Variants in ROBO1 observed in about 807,000 individuals in gnomAD.
ROBO1 encodes the protein roundabout guidance receptor 1, also known as roundabout homolog 1.
A neutral mutation model predicts 195.9 loss-of-function variants in ROBO1; 149 were observed. The observed-to-expected ratio is 0.76, with a 90% confidence interval of 0.67 to 0.87. The LOEUF is 0.87. Ranked by LOEUF, ROBO1 falls within the 40% of genes least tolerant of loss-of-function variation. The probability of loss-of-function intolerance (pLI) is 0.00; values close to 1 mark genes in which losing one functional copy is unlikely to be tolerated. For missense variants in ROBO1, 1,933 were observed against 2,068.3 expected (o/e 0.93, Z 1.27); for synonymous variants, 816 against 733.2 (o/e 1.11, Z -1.82).
At chr3:79,289,833 T>C (rs937892777) in intron 2 of ROBO1, among the ~76,000 whole-genome samples, 10 of 152,150 alleles carry the variant, frequency 6.6e-5, no homozygotes, top group African/African-American at 2.4e-4. Context: ...CCAAAGGGCA[T>C]TGTAATAAAC....
rs781419651 is a variant in ROBO1 at position 78,989,371 on chromosome 3, C to T, written c.173-50444G>A. Among the ~76,000 whole-genome samples the T allele has an allele frequency of 6.6e-5, 10 of 152,230 alleles. No homozygotes were observed. The East Asian group carries it at 7.7e-4, about 12-fold the overall frequency. Reference sequence around the variant, plus strand: ...GCTCATGCCTATAATCCTAGCACTTCGGGAGGCCAAAGCGGGTGGAACACT... The same window carrying T: ...GCTCATGCCTATAATCCTAGCACTTTGGGAGGCCAAAGCGGGTGGAACACT... On this transcript the variant is annotated intron_variant, in intron 3 of 30. Coordinates refer to ENST00000464233, the MANE Select transcript of ROBO1 (RefSeq NM_002941.4).
intron 2 of ROBO1, among the ~76,000 whole-genome samples, chr3:79,258,731 G>A (rs2082883350): frequency 6.6e-6 from 1 of 152,062 alleles, no homozygotes. Context: ...TTTCCACTGG[G>A]AGACACAAAC....
intron 8 of ROBO1, among the ~76,000 whole-genome samples, chr3:78,703,892 C>A: frequency 6.6e-6 from 1 of 152,032 alleles, no homozygotes. Flanking sequence ...CTTTAGTGGG[C>A]ATCTGTGGAT....
At chr3:79,424,646 CA>C (rs1285890279) in intron 2 of ROBO1, among the ~76,000 whole-genome samples, 1 of 151,956 alleles carries the variant, frequency 6.6e-6, no homozygotes, top group African/African-American at 2.4e-5. Context: ...TGAAGATGGA[CA>C]AAACATCCCA....
At chr3:79,667,427 A>T (rs1186934188) in intron 1 of ROBO1, among the ~76,000 whole-genome samples, 1 of 151,832 alleles carries the variant, frequency 6.6e-6, no homozygotes, top group African/African-American at 2.4e-5. Flanking sequence ...ACTAAATAAC[A>T]TTCTTCGGGT....
intron 2 of ROBO1, among the ~76,000 whole-genome samples, chr3:79,324,421 A>C (rs766686252): frequency 6.6e-6 from 1 of 152,188 alleles, no homozygotes; most frequent in Non-Finnish European, 1.5e-5. Context: ...AAATGACTGC[A>C]GCAAGTGATT....
chr3:79,467,593 G>C (rs1938034635), intron 2 of ROBO1, among the ~76,000 whole-genome samples: 1 of 151,946 alleles, frequency 6.6e-6, no homozygotes. Context: ...TCCAGAGAAA[G>C]ATCATCTTCC....
chr3:78,819,478 T>A (rs1372995385), intron 4 of ROBO1, among the ~76,000 whole-genome samples: 4 of 152,082 alleles, frequency 2.6e-5, no homozygotes, highest in Non-Finnish European at 4.4e-5. Flanking sequence ...TTTTTTTCTT[T>A]TCTCCATACA....
chr3:79,011,733 T>A (rs1258100023), intron 3 of ROBO1, among the ~76,000 whole-genome samples: 1 of 151,136 alleles, frequency 6.6e-6, no homozygotes, highest in Non-Finnish European at 1.5e-5. Flanking sequence ...GTTGCATAAA[T>A]TATGACCATA....
chr3:78,818,076 A>G (rs2030341093), intron 4 of ROBO1, among the ~76,000 whole-genome samples: 1 of 152,190 alleles, frequency 6.6e-6, no homozygotes, highest in Non-Finnish European at 1.5e-5. Flanking sequence ...TGACTGAGTA[A>G]AAGATGGAAT....
At chr3:78,763,014 A>G (rs1281954392) in intron 4 of ROBO1, among the ~76,000 whole-genome samples, 1 of 152,152 alleles carries the variant, frequency 6.6e-6, no homozygotes, top group African/African-American at 2.4e-5. Context: ...ATGTGACACA[A>G]GAGACAAGCA....
chr3:78,651,785 C>T lies in ROBO1; in HGVS notation c.2759G>A (p.Arg920Gln), dbSNP rs773504767. The T allele has an allele frequency of 5.0e-5, 80 of 1,613,376 alleles. No homozygotes were observed. Among genetic ancestry groups the T allele is most frequent in the Middle Eastern group, 1.6e-4 (1 of 6,080 alleles). The change falls in exon 19 of 31, where the codon CGA (arginine) becomes CAA (glutamine). Residue 920 changes from arginine (R) to glutamine (Q), a missense_variant. Coordinates refer to ENST00000464233, the MANE Select transcript of ROBO1 (RefSeq NM_002941.4). ...ILMVFSIWLY[R>Q]HRKKRNGLTS... Reference sequence around the variant, plus strand: ...AAGTCCGTTTCTCTTCTTGCGGTGTCGATAAAGCCAGATGCTGAAGACCAT... The same window carrying T: ...AAGTCCGTTTCTCTTCTTGCGGTGTTGATAAAGCCAGATGCTGAAGACCAT...
At chr3:78,800,731 G>A (rs1042332659) in intron 4 of ROBO1, among the ~76,000 whole-genome samples, 4 of 151,642 alleles carry the variant, frequency 2.6e-5, no homozygotes, top group Admixed American at 6.6e-5. Flanking sequence ...TAATTTTTTT[G>A]TTTTTTGTAT....
intron 1 of ROBO1, among the ~76,000 whole-genome samples, chr3:79,707,805 G>C (rs995483261): frequency 3.3e-5 from 5 of 152,114 alleles, no homozygotes; most frequent in Non-Finnish European, 7.4e-5. Context: ...ATCACACCTG[G>C]CCGAAAAGAA....
intron 2 of ROBO1, among the ~76,000 whole-genome samples, chr3:79,314,209 A>G (rs1168395815): frequency 6.6e-6 from 1 of 151,984 alleles, no homozygotes; most frequent in East Asian, 1.9e-4. Context: ...TTTATTTTTA[A>G]TTTTCAAAAT....
chr3:78,682,941 A>C (rs2080961920), intron 10 of ROBO1, among the ~76,000 whole-genome samples: 1 of 151,706 alleles, frequency 6.6e-6, no homozygotes, highest in Non-Finnish European at 1.5e-5. Context: ...CTGCACATAA[A>C]AACAGTTTTA....
At chr3:79,429,866 T>C (rs2038603835) in intron 2 of ROBO1, among the ~76,000 whole-genome samples, 1 of 152,086 alleles carries the variant, frequency 6.6e-6, no homozygotes, top group Non-Finnish European at 1.5e-5. Flanking sequence ...ATTTAATTGG[T>C]TCTTATTTTA....
At chr3:78,960,792 ACACACACACACACACACAC>A (rs2041299350) in intron 3 of ROBO1, among the ~76,000 whole-genome samples, 4 of 137,024 alleles carry the variant, frequency 2.9e-5, no homozygotes, top group Non-Finnish European at 6.3e-5. Context: ...ACACACACAC[ACACACACACACACACACAC>A]ACACACACAC....
intron 3 of ROBO1, among the ~76,000 whole-genome samples, chr3:79,084,381 C>T (rs1296176892): frequency 6.6e-6 from 1 of 152,052 alleles, no homozygotes; most frequent in African/African-American, 2.4e-5. Flanking sequence ...GCCTGTAATC[C>T]CCGCTACTCA....
Sources: gnomAD v4.1 joint callset for allele counts (sites outside exome capture counted in the v4.1 genomes callset) on GRCh38, gnomAD v4.1.1 for gene constraint, MANE v1.5 for transcripts, NCBI Gene and HGNC (gene_info 2026-07-23, HGNC 2026-07-21) for gene names.